CSMD1: variants seen among roughly 807,000 people sequenced by gnomAD.
CSMD1 encodes the protein CUB and sushi domain-containing protein 1.
Under a neutral mutation model 417.5 loss-of-function variants are expected in CSMD1, and 213 were observed. The ratio of observed to expected loss-of-function variants is 0.51; its 90% CI spans 0.46 to 0.57. The LOEUF (loss-of-function observed/expected upper bound fraction) is 0.57, where lower values mean the gene tolerates loss of function less well. CSMD1 is among the 20% of genes least tolerant of loss of function. The pLI is 0.00. For synonymous variants in CSMD1, 2,862 were observed against 1,736.8 expected, an observed-to-expected ratio of 1.65 and a Z score of -16.11; for missense variants, 6,923 against 4,529.7, an observed-to-expected ratio of 1.53 and a Z score of -15.17.
intron 5 of CSMD1, among the ~76,000 whole-genome samples, chr8:3,795,176 C>G (rs63749767): frequency 1.3e-4 from 7 of 55,806 alleles, no homozygotes; most frequent in African/African-American, 3.5e-4. Flanking sequence ...CTATCATGTA[C>G]AGCTATAGAT....
chr8:3,254,233 T>C (rs544602375), intron 26 of CSMD1, among the ~76,000 whole-genome samples: 30 of 152,322 alleles, frequency 2.0e-4, no homozygotes, highest in East Asian at 1.5e-3. Flanking sequence ...AGAGTTTCTG[T>C]CGAGAGATCA....
chr8:4,648,932 G>A (rs541132300), intron 1 of CSMD1, among the ~76,000 whole-genome samples: 1 of 152,316 alleles, frequency 6.6e-6, no homozygotes, highest in East Asian at 1.9e-4. Flanking sequence ...AGTCTGCAAT[G>A]AAGCCAGCAC....
At chr8:3,056,435 C>G (rs1812226030) in intron 49 of CSMD1, among the ~76,000 whole-genome samples, 1 of 152,156 alleles carries the variant, frequency 6.6e-6, no homozygotes. Flanking sequence ...TGGCACAGTC[C>G]AGGTTCACTG....
chr8:3,995,967 G>T (rs1225519891), intron 5 of CSMD1, among the ~76,000 whole-genome samples: 1 of 152,156 alleles, frequency 6.6e-6, no homozygotes, highest in African/African-American at 2.4e-5. Context: ...CAGGCACCAA[G>T]AAGACAGTGG....
chr8:3,426,489 T>C (rs1813848916), intron 12 of CSMD1, among the ~76,000 whole-genome samples: 1 of 152,162 alleles, frequency 6.6e-6, no homozygotes, highest in Admixed American at 6.6e-5. Flanking sequence ...ACTGTCCACC[T>C]GCTCTTTCCC....
intron 4 of CSMD1, among the ~76,000 whole-genome samples, chr8:4,027,595 C>T (rs1797128680): frequency 6.6e-6 from 1 of 152,136 alleles, no homozygotes; most frequent in South Asian, 2.1e-4. Flanking sequence ...CCTCCGCAGC[C>T]ATGCAGAACT....
chr8:3,708,548 G>C, intron 6 of CSMD1, 57 bp from the exon 7 acceptor site: 1 of 1,455,516 alleles, frequency 6.9e-7, no homozygotes, highest in Admixed American at 1.7e-5. Flanking sequence ...ATAAAACCAT[G>C]TTGTATCCAC....
intron 5 of CSMD1, among the ~76,000 whole-genome samples, chr8:3,865,360 C>G (rs1805012374): frequency 6.6e-6 from 1 of 152,180 alleles, no homozygotes; most frequent in Non-Finnish European, 1.5e-5. Flanking sequence ...TGGTATGAAA[C>G]TGGGTTTGCA....
At chr8:4,540,363 G>A (rs568549678) in intron 2 of CSMD1, among the ~76,000 whole-genome samples, 61 of 152,134 alleles carry the variant, frequency 4.0e-4, no homozygotes, top group Middle Eastern at 3.4e-3. Flanking sequence ...CCCCAAAACT[G>A]GTGAAATAAG....
chr8:4,066,275 C>G (rs11780319), intron 3 of CSMD1, among the ~76,000 whole-genome samples: 7 of 152,182 alleles, frequency 4.6e-5, no homozygotes, highest in Non-Finnish European at 1.0e-4. Context: ...GGTATCCCTT[C>G]TTTCTCTGTA....
At position 4,055,607 on chromosome 8, in the gene CSMD1, T is replaced by G. The variant is rs148376436; in HGVS notation, c.416-23508A>C. The stretch of plus-strand genomic sequence containing the variant: ...TAAGATTTAATAACGTTAAGAATTT[T>G]AATGAATATAAAATATTAATGGAAA... On this transcript the variant is annotated intron_variant, in intron 3 of 69. Coordinates refer to ENST00000635120, the MANE Select transcript of CSMD1 (RefSeq NM_033225.6). Among the ~76,000 whole-genome samples, 425 of 152,190 alleles carry G rather than the reference T, an allele frequency of 2.8e-3. 5 individuals carry two copies. The highest frequency in any genetic ancestry group is 0.014 in the Middle Eastern group (4 of 294).
At position 2,973,261 on chromosome 8, in the gene CSMD1, C is replaced by G; in HGVS notation, c.8779G>C (p.Ala2927Pro). The change falls in exon 57 of 70, where the codon GCA becomes CCA. Residue 2927 changes from alanine to proline, a missense_variant. Transcript: ENST00000635120. ...PGFCGDPGTP[A>P]HGSRLGDDFK... ...TCATCACCAAGCCGAGACCCATGTGCTGGGGTCCCCGGATCACCACAGAAT... is the reference window on the plus strand; with the variant it reads ...TCATCACCAAGCCGAGACCCATGTGGTGGGGTCCCCGGATCACCACAGAAT... 6.2e-7 allele frequency: 1 copy of G among 1,613,930 alleles called. No homozygotes were observed. Among genetic ancestry groups the G allele is most frequent in the Non-Finnish European group, 8.5e-7 (1 of 1,179,846 alleles).
intron 4 of CSMD1, among the ~76,000 whole-genome samples, chr8:4,005,555 A>G (rs1041092753): frequency 1.3e-5 from 2 of 152,134 alleles, no homozygotes; most frequent in Non-Finnish European, 2.9e-5. Context: ...TATTTTCTGA[A>G]TTGTCTTTTA....
At chr8:4,565,490 C>A (rs1400664454) in intron 2 of CSMD1, among the ~76,000 whole-genome samples, 1 of 151,954 alleles carries the variant, frequency 6.6e-6, no homozygotes, top group East Asian at 1.9e-4. Context: ...GTAATCCCAG[C>A]ACTTAAGGAG....
intron 28 of CSMD1, among the ~76,000 whole-genome samples, chr8:3,223,412 A>T (rs1362733537): frequency 1.3e-5 from 2 of 152,312 alleles, no homozygotes; most frequent in East Asian, 3.9e-4. Context: ...TTGATGAGAA[A>T]TTACACCAAA....
chr8:3,819,701 C>G (rs141919261), intron 5 of CSMD1, among the ~76,000 whole-genome samples: 2 of 152,270 alleles, frequency 1.3e-5, no homozygotes, highest in Non-Finnish European at 2.9e-5. Context: ...ATCCTCCAAT[C>G]TCAGCCTCCT....
chr8:4,165,696 C>T (rs1178391880), intron 3 of CSMD1, among the ~76,000 whole-genome samples: 1 of 152,200 alleles, frequency 6.6e-6, no homozygotes, highest in Non-Finnish European at 1.5e-5. Context: ...ACCCATCACA[C>T]CCGGCCCAAG....
intron 7 of CSMD1, among the ~76,000 whole-genome samples, chr8:3,638,454 C>A (rs1019067656): frequency 6.6e-6 from 1 of 151,026 alleles, no homozygotes; most frequent in Non-Finnish European, 1.5e-5. Context: ...AAAAAAAAAA[C>A]ACTGCCTCTG....
At chr8:4,919,297 G>C (rs983584402) in intron 1 of CSMD1, among the ~76,000 whole-genome samples, 1 of 152,126 alleles carries the variant, frequency 6.6e-6, no homozygotes, top group African/African-American at 2.4e-5. Flanking sequence ...AGTATATTTA[G>C]AACCACGGGT....
Sources: allele counts gnomAD v4.1 joint callset (sites outside exome capture counted in the v4.1 genomes callset), GRCh38; gene constraint gnomAD v4.1.1; transcripts MANE v1.5; gene names NCBI Gene and HGNC (gene_info 2026-07-23, HGNC 2026-07-21).